EP400: variants seen among roughly 807,000 people sequenced by gnomAD.
EP400 encodes the protein E1A binding protein p400.
Under a neutral mutation model 354.1 loss-of-function variants are expected in EP400, and 105 were observed. The ratio of observed to expected loss-of-function variants is 0.30; its 90% CI spans 0.25 to 0.35. The LOEUF (loss-of-function observed/expected upper bound fraction) is 0.35, where lower values mean the gene tolerates loss of function less well. EP400 is among the 10% of genes least tolerant of loss of function. EP400 has a pLI of 1.00. For synonymous variants in EP400, 1,646 were observed against 1,716.9 expected (o/e 0.96, Z 1.02); for missense variants, 3,280 against 4,121.0 (o/e 0.80, Z 5.59).
intron 51 of EP400, among the ~76,000 whole-genome samples, chr12:132,072,959 A>G (rs898196696): frequency 6.6e-6 from 1 of 152,046 alleles, no homozygotes; most frequent in Non-Finnish European, 1.5e-5. Flanking sequence ...TCCTGTTGGA[A>G]GTTTTTGGTC....
At chr12:132,073,510 G>A (rs1565937410) in intron 51 of EP400, among the ~76,000 whole-genome samples, 1 of 141,404 alleles carries the variant, frequency 7.1e-6, no homozygotes, top group East Asian at 2.0e-4. Flanking sequence ...CTGGAGTGCA[G>A]TGGCGCGATC....
rs180980953 is a variant in EP400 at position 132,025,102 on chromosome 12, C to T, written c.4856-544C>T. 1.3e-5 allele frequency among the ~76,000 whole-genome samples: 2 copies of T among 151,862 alleles called. No individual in the cohort carries two copies. The highest frequency in any genetic ancestry group is 1.9e-4 in the East Asian group (1 of 5,186). ...AAACAAAACAAAACATTTTTTGGCC[C>T]ACAGAGGCTGGGTCGCTTGGTAACA... On this transcript the variant is annotated intron_variant, in intron 24 of 52. Coordinates refer to ENST00000389561, the MANE Select transcript of EP400 (RefSeq NM_015409.5). This position sits in a 1 kb window ranked among gnomAD's most constrained non-coding sequence, Gnocchi z 4.1.
At chr12:132,010,598 A>G (rs897586156) in intron 15 of EP400, among the ~76,000 whole-genome samples, 5 of 152,228 alleles carry the variant, frequency 3.3e-5, no homozygotes, top group Non-Finnish European at 7.3e-5. Flanking sequence ...TGTTACATTT[A>G]TAGCACAGAA....
rs1281575923 is a variant in EP400 at position 132,029,490 on chromosome 12, G to A, written c.5382-211G>A. ...CCCTGGACTGTCTGAATTAGTCCCC[G>A]AGGTGGTGGTTATTGGCCAGGACTG... is the stretch of plus-strand genomic sequence containing the variant. On this transcript the variant is annotated intron_variant, in intron 27 of 52. Coordinates refer to ENST00000389561, the MANE Select transcript of EP400 (RefSeq NM_015409.5). This position sits in a 1 kb window ranked among gnomAD's most constrained non-coding sequence, Gnocchi z 4.7. The A allele has an allele frequency of 4.0e-5, 24 of 601,804 alleles. No individual in the cohort carries two copies. The East Asian group carries it at 5.8e-4, about 15-fold the overall frequency. The allele number at this position is 601,804 out of a possible 1,614,324, so 37.3% of individuals were successfully genotyped here.
Position 132,013,868 on chromosome 12 carries a change from C to G in EP400, c.3878C>G (p.Ser1293Cys), listed in dbSNP as rs1324033307. The change falls in exon 19 of 53, where the codon TCT becomes TGT. Residue 1293 changes from serine (S) to cysteine (C), a missense_variant. By Grantham distance (112) the Ser-to-Cys change is moderately radical. Around this residue, in one of 20 missense-constraint regions of EP400, gnomAD observed 242 missense variants for 357.9 expected, o/e 0.68. Transcript: ENST00000389561. The surrounding 1 kb of genome is among the most constrained non-coding windows in gnomAD (Gnocchi z 4.5). Reference protein sequence around the residue: ...KYEHVLKCRLSNRQKALYEDV... With the variant: ...KYEHVLKCRLCNRQKALYEDV... ...GAGCATGTTTTGAAGTGTCGCCTTT[C>G]TAACCGACAAAAAGCCTTATACGAG... 1 of 1,614,260 alleles carries G rather than the reference C, an allele frequency of 6.2e-7. No individual in the cohort carries two copies. The highest frequency in any genetic ancestry group is 1.1e-5 in the South Asian group (1 of 91,086).
chr12:132,077,752 C>G lies in EP400; in HGVS notation c.*79C>G. Reference sequence around the variant, plus strand: ...AACGCTTTATTAGTGAACCTTGGGACCATGTCACGCAAGAGATTCAGCACT... The same window carrying G: ...AACGCTTTATTAGTGAACCTTGGGAGCATGTCACGCAAGAGATTCAGCACT... On this transcript the variant is annotated 3_prime_UTR_variant, in exon 53 of 53. Coordinates refer to ENST00000389561, the MANE Select transcript of EP400 (RefSeq NM_015409.5). The G allele has an allele frequency of 7.0e-7, 1 of 1,436,968 alleles. No individual in the cohort carries two copies. The highest frequency in any genetic ancestry group is 9.2e-7 in the Non-Finnish European group (1 of 1,084,800). The allele number at this position is 1,436,968 out of a possible 1,614,324, so 89.0% of individuals were successfully genotyped here. A position where few individuals can be genotyped will look rare whatever the true frequency, so the allele number is the denominator to read the frequency against.
intron 12 of EP400, among the ~76,000 whole-genome samples, chr12:131,997,675 T>A (rs1893261939): frequency 6.6e-6 from 1 of 150,506 alleles, no homozygotes; most frequent in African/African-American, 2.4e-5. Context: ...ATTTATTAAG[T>A]GGAAGCGAAT....
At chr12:132,045,024 TTCTGCTGTCTGCCTG>T (rs148248768) in intron 37 of EP400, 71 bp downstream of exon 37, 113,887 of 1,569,248 alleles carry the variant, frequency 0.073, 5,372 homozygotes, top group Admixed American at 0.21. Flanking sequence ...GTCAGCCACT[TTCTGCTGTCTGCCTG>T]TCTGCTGTCT....
At chr12:131,971,736 A>C (rs1027273582) in intron 2 of EP400, among the ~76,000 whole-genome samples, 3 of 152,032 alleles carry the variant, frequency 2.0e-5, no homozygotes, top group African/African-American at 7.2e-5. Flanking sequence ...AAGAGCCAAA[A>C]TGTTTATTTC....
chr12:132,065,152 ATGCAGCCTGCG>A, intron 48 of EP400: 1 of 610,276 alleles, frequency 1.6e-6, no homozygotes, highest in South Asian at 2.1e-5. Flanking sequence ...GCGAGGTGAG[ATGCAGCCTGCG>A]TGGCTTCCCT....
intron 32 of EP400, among the ~76,000 whole-genome samples, chr12:132,041,552 A>G (rs373324651): frequency 6.6e-6 from 1 of 152,148 alleles, no homozygotes; most frequent in Non-Finnish European, 1.5e-5. Context: ...GTCTGAATAT[A>G]CCGCCGTTTA....
intron 50 of EP400, chr12:132,068,964 C>CA (rs1286895590): frequency 6.5e-6 from 1 of 153,098 alleles, no homozygotes; most frequent in East Asian, 1.9e-4. Context: ...TACGATTGGA[C>CA]AAAACATCCT....
intron 2 of EP400, among the ~76,000 whole-genome samples, chr12:131,964,980 C>T (rs920210604): frequency 2.6e-5 from 4 of 152,238 alleles, no homozygotes. Flanking sequence ...CTTAGTCTTT[C>T]ATGACCTTGG....
rs1245814806 is a variant in EP400 at position 132,078,798 on chromosome 12, C to G, written c.*1125C>G. On this transcript the variant is annotated 3_prime_UTR_variant, in exon 53 of 53. Coordinates refer to ENST00000389561, the MANE Select transcript of EP400 (RefSeq NM_015409.5). ...GTGGTTCTGCCAGTGAAGCAGAGAA[C>G]CACCTGTGCTGTTGTGGAAGGCGTG... 2 of 152,252 alleles carry G rather than the reference C, an allele frequency of 1.3e-5. No individual in the cohort carries two copies. Among genetic ancestry groups the G allele is most frequent in the African/African-American group, 4.8e-5 (2 of 41,474 alleles). 9.4% of individuals were successfully genotyped at this position (152,252 alleles called of 1,614,324 possible). A position where few individuals can be genotyped will look rare whatever the true frequency, so the allele number is the denominator to read the frequency against.
Position 132,027,486 on chromosome 12 carries a change from C to G in EP400, c.5064C>G (p.Pro1688=), listed in dbSNP as rs146646475. ...TGAATGCCTTGGCTGTAGGAGAACC[C>G]GGAACGGCCTCCAAACCAGCTTCTC... ...VAVNALAVGE[P]GTASKPASPI... is the part of the protein sequence containing the mutation. The change falls in exon 26 of 53, where the codon CCC becomes CCG. Residue 1688 remains proline, a synonymous_variant. Transcript: ENST00000389561. The surrounding 1 kb of genome is among the most constrained non-coding windows in gnomAD (Gnocchi z 4.9). 1.2e-6 allele frequency: 2 copies of G among 1,613,730 alleles called. No individual in the cohort carries two copies. The highest frequency in any genetic ancestry group is 2.2e-5 in the East Asian group (1 of 44,868).
chr12:132,009,564 G>T (rs1240874182), intron 15 of EP400, among the ~76,000 whole-genome samples: 8 of 152,208 alleles, frequency 5.3e-5, no homozygotes, highest in African/African-American at 1.9e-4. Flanking sequence ...GGGTAAGAGG[G>T]TGTGAGGGGA....
In EP400 at chr12:132,075,787, A is replaced by T. The variant is rs953934146; in HGVS notation, c.9022-729A>T. On this transcript the variant is annotated intron_variant, in intron 51 of 52. Coordinates refer to ENST00000389561, the MANE Select transcript of EP400 (RefSeq NM_015409.5). The surrounding 1 kb of genome is among the most constrained non-coding windows in gnomAD (Gnocchi z 4.5). ...TGTAAGTAACAGGACCCAGCAAGAG[A>T]CCAGGGTCCGTGAGGGCCTTGTGCA... is the stretch of plus-strand genomic sequence containing the variant. The T allele has an allele frequency of 1.3e-5, 2 of 152,638 alleles. No individual in the cohort carries two copies. Among genetic ancestry groups the T allele is most frequent in the Admixed American group, 1.3e-4 (2 of 15,368 alleles). The allele number at this position is 152,638 out of a possible 1,614,324, so 9.5% of individuals were successfully genotyped here.
intron 30 of EP400, among the ~76,000 whole-genome samples, chr12:132,034,859 C>T (rs576328789): frequency 1.1e-4 from 17 of 151,978 alleles, no homozygotes; most frequent in East Asian, 3.9e-4. Context: ...TACCTGTGGC[C>T]GAGAGCTGGA....
chr12:132,001,232 G>C (rs1372847258), intron 12 of EP400, among the ~76,000 whole-genome samples: 2 of 152,060 alleles, frequency 1.3e-5, no homozygotes, highest in African/African-American at 4.8e-5. Flanking sequence ...ATTATTTATT[G>C]GATACAAAGC....
Sources: allele counts gnomAD v4.1 joint callset (sites outside exome capture counted in the v4.1 genomes callset), GRCh38; gene constraint gnomAD v4.1.1; regional missense constraint gnomAD v4.1.1; non-coding constraint Gnocchi (gnomAD v3.1); transcripts MANE v1.5; gene names NCBI Gene and HGNC (gene_info 2026-07-23, HGNC 2026-07-21).